MMP15: variants seen among roughly 807,000 people sequenced by gnomAD.
The protein encoded by MMP15 is matrix metallopeptidase 15.
Under a neutral mutation model 65.0 loss-of-function variants are expected in MMP15, and 36 were observed. The ratio of observed to expected loss-of-function variants is 0.55; its 90% CI spans 0.42 to 0.73. The LOEUF is 0.73. Ranked by LOEUF, MMP15 falls within the 30% of genes least tolerant of loss-of-function variation. MMP15 has a pLI of 0.00. For missense variants in MMP15, 870 were observed against 987.8 expected (o/e 0.88, Z 1.60); for synonymous variants, 428 against 410.2 (o/e 1.04, Z -0.52).
At chr16:58,038,483 C>A in intron 3 of MMP15, 89 bp downstream of exon 3, 2 of 1,535,380 alleles carry the variant, frequency 1.3e-6, no homozygotes, top group Non-Finnish European at 1.8e-6. Flanking sequence ...CGGCGCCCAG[C>A]CTTAACAGTC....
rs528012260 is a variant in MMP15, at chr16:58,043,286, C to T, written c.1380C>T (p.Gly460=). The part of the protein sequence containing the change: ...YPQPLTSYGL[G]IPYDRIDTAI... ...AGCCGCTGACCAGCTATGGCCTGGG[C>T]ATCCCCTATGACCGCATTGACACGG... Residue 460 remains glycine, a synonymous_variant, in exon 8 of 10, where the codon GGC becomes GGT. Transcript: ENST00000219271. 9 of 1,603,342 alleles carry T rather than the reference C, an allele frequency of 5.6e-6. No homozygotes were observed. The Admixed American group carries it at 1.0e-4, about 18-fold the overall frequency.
chr16:58,042,944 C>G (rs986387361), intron 7 of MMP15, among the ~76,000 whole-genome samples: 1 of 152,084 alleles, frequency 6.6e-6, no homozygotes, highest in Admixed American at 6.5e-5. Context: ...ACTATATGTG[C>G]GGGGGTGGAT....
At chr16:58,040,880 T>C (rs1165044851) in intron 5 of MMP15, 182 bp downstream of exon 5, 2 of 923,394 alleles carry the variant, frequency 2.2e-6, no homozygotes, top group Non-Finnish European at 3.3e-6. Flanking sequence ...CAGGGCAGGC[T>C]GCCTCCAGGG....
At chr16:58,028,318 C>A (rs1963853010) in intron 1 of MMP15, among the ~76,000 whole-genome samples, 1 of 152,210 alleles carries the variant, frequency 6.6e-6, no homozygotes, top group African/African-American at 2.4e-5. Flanking sequence ...TGGAGCCCTA[C>A]TCCTGGGGAA....
intron 7 of MMP15, 118 bp from the exon 8 acceptor site, chr16:58,043,092 G>T (rs538675567): frequency 1.7e-4 from 169 of 977,508 alleles, no homozygotes; most frequent in Admixed American, 4.0e-4. Flanking sequence ...ATTGTATGTT[G>T]TCTTGAATAT....
chr16:58,026,325 T>TC lies in MMP15; in HGVS notation c.-24dup. On this transcript the variant is annotated 5_prime_UTR_variant, in exon 1 of 10. Transcript: ENST00000219271. Reference sequence around the variant, plus strand: ...CGTGCGAGGATCCGGCGTGCAGTGTTCCGAGCTGGGCTGGGCGCCGAGAGC... The same window carrying TC: ...CGTGCGAGGATCCGGCGTGCAGTGTTCCCGAGCTGGGCTGGGCGCCGAGAGC... The TC allele has an allele frequency of 7.6e-7, 1 of 1,320,018 alleles. No homozygotes were observed. The highest frequency in any genetic ancestry group is 3.1e-5 in the East Asian group (1 of 31,890). 81.8% of individuals were successfully genotyped at this position (1,320,018 alleles called of 1,614,324 possible).
At position 58,039,966 on chromosome 16, in the gene MMP15, G is replaced by A; in HGVS notation, c.532G>A (p.Val178Ile). Residue 178 changes from valine (V) to isoleucine (I), a missense_variant, in exon 4 of 10, where the codon GTC becomes ATC. Physicochemically the swap from Val to Ile is conservative, Grantham distance 29. Transcript: ENST00000219271. Reference sequence around the variant, plus strand: ...CGTGTGGGAGCAGGCCACGCCCCTGGTCTTCCAGGAGGTGCCCTATGAGGA... The same window carrying A: ...CGTGTGGGAGCAGGCCACGCCCCTGATCTTCCAGGAGGTGCCCTATGAGGA... ...FRVWEQATPL[V>I]FQEVPYEDIR... 6.2e-7 allele frequency: 1 copy of A among 1,613,942 alleles called. No individual in the cohort carries two copies. The highest frequency in any genetic ancestry group is 8.5e-7 in the Non-Finnish European group (1 of 1,180,048).
In MMP15 at chr16:58,043,356, G is replaced by C; in HGVS notation, c.1450G>C (p.Asp484His). 1.2e-6 allele frequency: 2 copies of C among 1,605,616 alleles called. No homozygotes were observed. Among genetic ancestry groups the C allele is most frequent in the Non-Finnish European group, 1.7e-6 (2 of 1,175,354 alleles). Residue 484 changes from aspartate (D) to histidine (H), a missense_variant, in exon 8 of 10, where the codon GAC (aspartate) becomes CAC (histidine). By Grantham distance (81) the Asp-to-His change is moderately conservative. Coordinates refer to ENST00000219271, the MANE Select transcript of MMP15 (RefSeq NM_002428.4). The part of the protein sequence containing the change: ...PTGHTFFFQE[D>H]RYWRFNEETQ... ...AGGCCACACCTTCTTCTTCCAAGAG[G>C]ACAGGTGAGCAGTGCGTCCCTCCCC... is the stretch of plus-strand genomic sequence containing the variant.
chr16:58,027,153 A>G (rs1330793602), intron 1 of MMP15, among the ~76,000 whole-genome samples: 1 of 152,166 alleles, frequency 6.6e-6, no homozygotes, highest in Non-Finnish European at 1.5e-5. Flanking sequence ...GGTCCTAAGG[A>G]CGGACCCTGC....
intron 7 of MMP15, among the ~76,000 whole-genome samples, chr16:58,042,991 C>T (rs549711569): frequency 5.9e-5 from 9 of 152,118 alleles, no homozygotes; most frequent in Admixed American, 1.3e-4. Flanking sequence ...TGGCATGTGG[C>T]GTGTATGGGT....
At chr16:58,035,295 G>A (rs73546996) in intron 1 of MMP15, among the ~76,000 whole-genome samples, 15,077 of 152,252 alleles carry the variant, frequency 0.099, 2,496 homozygotes, top group African/African-American at 0.34. Context: ...TGAGCTGTGG[G>A]AATGCGCCCT....
intron 1 of MMP15, among the ~76,000 whole-genome samples, chr16:58,033,968 G>A (rs947929153): frequency 1.3e-4 from 20 of 152,234 alleles, no homozygotes; most frequent in African/African-American, 2.9e-4. Context: ...GCCCACACCC[G>A]AAGCTGCAGA....
intron 2 of MMP15, 118 bp downstream of exon 2, chr16:58,037,738 T>G: frequency 7.0e-7 from 1 of 1,428,932 alleles, no homozygotes; most frequent in Middle Eastern, 1.8e-4. Context: ...AGATGCCAAA[T>G]GGTTTGGTCC....
At position 58,042,259 on chromosome 16, in the gene MMP15, A is replaced by G. The variant is rs752846953; in HGVS notation, c.1193A>G (p.Asn398Ser). The G allele has an allele frequency of 1.2e-6, 2 of 1,614,014 alleles. No homozygotes were observed. The highest frequency in any genetic ancestry group is 1.7e-6 in the Non-Finnish European group (2 of 1,180,030). Residue 398 changes from asparagine to serine, a missense_variant, in exon 7 of 10, where the codon AAC becomes AGC. Transcript: ENST00000219271. ...KGRWFWRVRH[N>S]RVLDNYPMPI... The stretch of plus-strand genomic sequence containing the variant: ...CGCTGGTTCTGGCGAGTCCGGCACA[A>G]CCGCGTCCTGGACAACTATCCCATG...
rs1045415775 is a variant in MMP15 at position 58,045,252 on chromosome 16, A to G, written c.1816A>G (p.Asn606Asp). The change falls in exon 10 of 10, where the codon AAC becomes GAC. Residue 606 changes from asparagine (N) to aspartate (D), a missense_variant. Asn to Asp is a conservative substitution (Grantham distance 23). Transcript: ENST00000219271. ...DGDGDFGAGVNKDGGSRVVVQ... is the reference protein window; with the variant it reads ...DGDGDFGAGVDKDGGSRVVVQ... ...GGATGGGGACTTTGGGGCCGGGGTC[A>G]ACAAGGACGGGGGCAGCCGCGTGGT... 5.0e-6 allele frequency: 8 copies of G among 1,608,262 alleles called. No individual in the cohort carries two copies. The African/African-American group carries it at 8.0e-5, about 16-fold the overall frequency.
intron 9 of MMP15, among the ~76,000 whole-genome samples, chr16:58,044,212 G>A (rs1006501162): frequency 7.2e-5 from 11 of 152,332 alleles, no homozygotes; most frequent in Middle Eastern, 3.4e-3. Flanking sequence ...TGGAGAGGCC[G>A]ATGCGAGAGG....
chr16:58,037,551 CG>C lies in MMP15; in HGVS notation c.244del (p.Ala82ProfsTer25). ...ATGCGTTCCGCCCAGATCTTGGCCT[CG>C]GCCCTTGCAGAGATGCAGCGCTTCT... ...STMRSAQILA[S>X]ALAEMQRFYG... On this transcript the variant is annotated frameshift_variant, in exon 2 of 10. Coordinates refer to ENST00000219271, the MANE Select transcript of MMP15 (RefSeq NM_002428.4). LOFTEE classifies it high-confidence loss of function. 6.2e-7 allele frequency: 1 copy of C among 1,614,210 alleles called. No homozygotes were observed. Among genetic ancestry groups the C allele is most frequent in the Non-Finnish European group, 8.5e-7 (1 of 1,180,032 alleles).
intron 1 of MMP15, among the ~76,000 whole-genome samples, chr16:58,027,361 C>T (rs548119147): frequency 6.6e-6 from 1 of 152,350 alleles, no homozygotes; most frequent in South Asian, 2.1e-4. Context: ...CATGGTGTCT[C>T]CCGAGCGAGG....
rs1264872368 is a variant in MMP15 at position 58,040,587 on chromosome 16, C to T, written c.799C>T (p.Leu267=). The T allele has an allele frequency of 2.5e-6, 4 of 1,614,104 alleles. No individual in the cohort carries two copies. In the South Asian group the frequency reaches 4.4e-5, roughly 18 times the overall value. ...AVHELGHALG[L]EHSSNPNAIM... is the part of the protein sequence containing the mutation. ...GCATGAGCTGGGCCACGCGCTGGGG[C>T]TGGAGCACTCCAGCAACCCCAATGC... Residue 267 remains leucine, a synonymous_variant, in exon 5 of 10, where the codon CTG becomes TTG. Transcript: ENST00000219271.
Sources: gnomAD v4.1 joint callset for allele counts (sites outside exome capture counted in the v4.1 genomes callset) on GRCh38, gnomAD v4.1.1 for gene constraint, MANE v1.5 for transcripts, NCBI Gene and HGNC (gene_info 2026-07-23, HGNC 2026-07-21) for gene names.